ECM2: variants seen among roughly 807,000 people sequenced by gnomAD.
ECM2 encodes extracellular matrix protein 2, female organ and adipocyte specific.
In ECM2, 57 loss-of-function variants were observed where a neutral mutation model predicts 67.5. The observed-to-expected ratio is 0.84, with a 90% CI of 0.68 to 1.05. The LOEUF is 1.05. ECM2 is among the 50% of genes least tolerant of loss of function. The probability of loss-of-function intolerance (pLI) is 0.00; values close to 1 mark genes in which losing one functional copy is unlikely to be tolerated. For missense variants in ECM2, 741 were observed against 822.8 expected, an observed-to-expected ratio of 0.90 and a Z score of 1.22; for synonymous variants, 258 against 294.5, an observed-to-expected ratio of 0.88 and a Z score of 1.27.
intron 2 of ECM2, among the ~76,000 whole-genome samples, chr9:92,518,844 G>A (rs1394822490): frequency 6.6e-6 from 1 of 152,122 alleles, no homozygotes; most frequent in Non-Finnish European, 1.5e-5. Flanking sequence ...AGCCAAGATC[G>A]TTCCACTGTA....
chr9:92,532,015 G>GTTTTTTTTTTTTTTTTTTTTTTGTTT (rs71362397), intron 1 of ECM2, among the ~76,000 whole-genome samples: 1 of 95,736 alleles, frequency 1.0e-5, no homozygotes, highest in Non-Finnish European at 1.9e-5. Flanking sequence ...TTTATTTAAT[G>GTTTTTTTTTTTTTTTTTTTTTTGTTT]TTTTTTTTTT....
chr9:92,517,439 G>T, intron 3 of ECM2: 1 of 598,240 alleles, frequency 1.7e-6, no homozygotes, highest in East Asian at 2.8e-5. Context: ...AGAGTCAAAT[G>T]TGGAATGTAA....
chr9:92,507,596 G>A (rs184558209), intron 6 of ECM2, among the ~76,000 whole-genome samples: 2 of 152,306 alleles, frequency 1.3e-5, no homozygotes, highest in East Asian at 1.9e-4. Flanking sequence ...TTCCATGGTG[G>A]GTGGTACCAT....
intron 9 of ECM2, among the ~76,000 whole-genome samples, chr9:92,500,106 A>G (rs1329847724): frequency 1.3e-5 from 2 of 152,240 alleles, no homozygotes; most frequent in East Asian, 3.8e-4. Context: ...ACATGGAGGT[A>G]GGAGTAGTAA....
At chr9:92,557,791 C>T in the ECM2 span, among the ~76,000 whole-genome samples, 3 of 152,086 alleles carry the variant, frequency 2.0e-5, no homozygotes, top group South Asian at 6.2e-4. Flanking sequence ...TACAAGTATG[C>T]ACCACCACGC....
intron 8 of ECM2, 109 bp from the exon 9 acceptor site, chr9:92,501,162 C>A: frequency 9.1e-7 from 1 of 1,093,072 alleles, no homozygotes. Context: ...TATAAGCACC[C>A]AGTTTGTAGT....
chr9:92,536,497 A>C (rs1281016715), upstream of ECM2: 1 of 153,256 alleles, frequency 6.5e-6, no homozygotes, highest in Non-Finnish European at 1.5e-5. Context: ...AAACGACAAC[A>C]ACAAAAAAAT....
the ECM2 span, among the ~76,000 whole-genome samples, chr9:92,545,451 G>A: frequency 6.6e-6 from 1 of 152,202 alleles, no homozygotes; most frequent in Admixed American, 6.5e-5. Flanking sequence ...CCGGCGCTGT[G>A]CTTGATTTCT....
chr9:92,547,410 GTCA>G, the ECM2 span, among the ~76,000 whole-genome samples: 1 of 152,208 alleles, frequency 6.6e-6, no homozygotes, highest in Non-Finnish European at 1.5e-5. Flanking sequence ...CTAAATGTTT[GTCA>G]ACTGTTGAAT....
intron 9 of ECM2, among the ~76,000 whole-genome samples, chr9:92,499,498 T>C (rs1219111684): frequency 6.6e-6 from 1 of 152,206 alleles, no homozygotes; most frequent in Non-Finnish European, 1.5e-5. Context: ...GGTTCAATGA[T>C]GGAGGAGTAA....
chr9:92,533,328 A>AAAATATATATATAT (rs1554683138), intron 1 of ECM2, among the ~76,000 whole-genome samples: 1 of 38,338 alleles, frequency 2.6e-5, no homozygotes, highest in Admixed American at 3.4e-4. Flanking sequence ...AAAAAAAAAA[A>AAAATATATATATAT]ATATATATAT....
chr9:92,532,034 AT>A (rs58499748), intron 1 of ECM2, among the ~76,000 whole-genome samples: 4 of 98,252 alleles, frequency 4.1e-5, no homozygotes, highest in Admixed American at 2.0e-4. Flanking sequence ...TTTTTATTTT[AT>A]TTTTTTTTTG....
At chr9:92,522,046 T>C (rs1198741935) in intron 2 of ECM2, among the ~76,000 whole-genome samples, 3 of 152,134 alleles carry the variant, frequency 2.0e-5, no homozygotes, top group Non-Finnish European at 4.4e-5. Context: ...TTCCTTAAGT[T>C]GTTTTTGGTT....
chr9:92,512,545 A>G (rs1847417701), intron 4 of ECM2, among the ~76,000 whole-genome samples: 1 of 152,200 alleles, frequency 6.6e-6, no homozygotes, highest in African/African-American at 2.4e-5. Context: ...TTGTCCATGA[A>G]TGCTCATGCC....
chr9:92,495,598 C>A lies in ECM2; in HGVS notation c.*717G>T. 3.1e-6 allele frequency: 3 copies of A among 970,048 alleles called. No homozygotes were observed. Among genetic ancestry groups the A allele is most frequent in the Non-Finnish European group, 3.7e-6 (3 of 815,926 alleles). 60.1% of individuals were successfully genotyped at this position (970,048 alleles called of 1,614,324 possible). A position where few individuals can be genotyped will look rare whatever the true frequency, so the allele number is the denominator to read the frequency against. Reference sequence around the variant, plus strand: ...GAATAGTGAAGGTAATCTTAATATACTGTTTAACTTTAAAAAATAATTTTA... The same window carrying A: ...GAATAGTGAAGGTAATCTTAATATAATGTTTAACTTTAAAAAATAATTTTA... On this transcript the variant is annotated 3_prime_UTR_variant, in exon 10 of 10. Transcript: ENST00000344604.
At position 92,521,305 on chromosome 9, in the gene ECM2, G is replaced by C. The variant is rs562846358; in HGVS notation, c.292+1270C>G. 1.9e-3 allele frequency among the ~76,000 whole-genome samples: 287 copies of C among 151,966 alleles called. 1 individual carries two copies. The highest frequency in any genetic ancestry group is 2.8e-3 in the Non-Finnish European group (190 of 67,980). ...AGCCTTTTTGTTTTCCATTATTATA[G>C]CTTAGCCATCTTTCCACTTAACTAA... On this transcript the variant is annotated intron_variant, in intron 2 of 9. Transcript: ENST00000344604.
intron 2 of ECM2, 64 bp downstream of exon 2, chr9:92,522,511 C>A: frequency 7.0e-7 from 1 of 1,431,796 alleles, no homozygotes; most frequent in East Asian, 2.5e-5. Flanking sequence ...CTCTCCTTCT[C>A]TTTCCCCATA....
At chr9:92,500,429 C>T (rs1417096388) in intron 9 of ECM2, among the ~76,000 whole-genome samples, 1 of 152,206 alleles carries the variant, frequency 6.6e-6, no homozygotes, top group African/African-American at 2.4e-5. Context: ...GTGATCCGCC[C>T]GCCTTGGCGT....
At chr9:92,548,169 A>G in the ECM2 span, among the ~76,000 whole-genome samples, 1 of 152,288 alleles carries the variant, frequency 6.6e-6, no homozygotes, top group Non-Finnish European at 1.5e-5. Context: ...AAGGCTCATG[A>G]TCCTCCCTTG....
Sources: allele counts gnomAD v4.1 joint callset (sites outside exome capture counted in the v4.1 genomes callset), GRCh38; gene constraint gnomAD v4.1.1; transcripts MANE v1.5; gene names NCBI Gene and HGNC (gene_info 2026-07-23, HGNC 2026-07-21).